The following PTPRQ variants were observed in gnomAD, a reference collection of about 807,000 sequenced individuals.
PTPRQ encodes the protein protein tyrosine phosphatase receptor type Q.
Under a neutral mutation model 246.0 loss-of-function variants are expected in PTPRQ, and 199 were observed. The ratio of observed to expected loss-of-function variants is 0.81; its 90% CI spans 0.72 to 0.91. The LOEUF (loss-of-function observed/expected upper bound fraction) is 0.91. Among genes scored for constraint, PTPRQ ranks in the 40% least tolerant of loss-of-function variants. PTPRQ has a pLI of 0.00. For missense variants in PTPRQ, 2,624 were observed against 2,528.4 expected (o/e 1.04, Z -0.81); for synonymous variants, 869 against 853.2 (o/e 1.02, Z -0.32).
At position 80,661,214 on chromosome 12, in the gene PTPRQ, A is replaced by AAT. The variant is rs141985379; in HGVS notation, c.6192+3165_6192+3166dup. Among the ~76,000 whole-genome samples, 8 of 150,112 alleles carry AAT rather than the reference A, an allele frequency of 5.3e-5. No individual in the cohort carries two copies. In the South Asian group the frequency reaches 6.2e-4, roughly 12 times the overall value. On this transcript the variant is annotated intron_variant, in intron 39 of 44. Transcript: ENST00000644991. ...ACATCATAATCATACAAAAGGAAAA[A>AAT]ATATATATATATAAACACATATATG...
chr12:80,603,802 T>C (rs1191729629), intron 26 of PTPRQ, among the ~76,000 whole-genome samples: 3 of 151,566 alleles, frequency 2.0e-5, no homozygotes, highest in Non-Finnish European at 4.4e-5. Flanking sequence ...CTGTGCATCT[T>C]TACCTTGCAA....
At chr12:80,622,194 A>T (rs1592727516) in intron 33 of PTPRQ, 60 bp downstream of exon 33, 2 of 1,199,198 alleles carry the variant, frequency 1.7e-6, no homozygotes, top group Non-Finnish European at 1.1e-6. Flanking sequence ...TGGAACATTT[A>T]TTAGTAAATG....
intron 19 of PTPRQ, among the ~76,000 whole-genome samples, chr12:80,537,796 A>C (rs1246843959): frequency 6.6e-6 from 1 of 152,144 alleles, no homozygotes; most frequent in Admixed American, 6.5e-5. Flanking sequence ...TGTGCCTGGC[A>C]TAATGTCTTC....
intron 17 of PTPRQ, among the ~76,000 whole-genome samples, chr12:80,521,171 G>T (rs1224844460): frequency 5.9e-5 from 9 of 152,120 alleles, no homozygotes; most frequent in Admixed American, 3.9e-4. Context: ...TTTCAGAAGT[G>T]TCTGTTCATA....
intron 6 of PTPRQ, chr12:80,465,388 A>G (rs1211710938): frequency 6.6e-6 from 1 of 152,276 alleles, no homozygotes; most frequent in Non-Finnish European, 1.5e-5. Context: ...AAAAGAGTCC[A>G]GGACCAGATG....
At chr12:80,578,547 C>T (rs1486490698) in intron 25 of PTPRQ, among the ~76,000 whole-genome samples, 2 of 151,876 alleles carry the variant, frequency 1.3e-5, no homozygotes, top group African/African-American at 2.4e-5. Context: ...CCTGCCACTA[C>T]GCCCGGCTAA....
intron 39 of PTPRQ, among the ~76,000 whole-genome samples, chr12:80,663,844 T>A (rs1342104280): frequency 6.6e-6 from 1 of 151,906 alleles, no homozygotes; most frequent in Non-Finnish European, 1.5e-5. Flanking sequence ...TCCAAATCCT[T>A]CTTTCCAGAT....
intron 17 of PTPRQ, among the ~76,000 whole-genome samples, chr12:80,515,129 A>T (rs552730670): frequency 2.0e-5 from 3 of 152,174 alleles, no homozygotes; most frequent in African/African-American, 7.2e-5. Context: ...GGATTCCTTC[A>T]TTAGTGATCA....
rs553221740 is a variant in PTPRQ at position 80,592,443 on chromosome 12, TAA to T, written c.4609+3992_4609+3993del. On this transcript the variant is annotated intron_variant, in intron 26 of 44. Coordinates refer to ENST00000644991, the MANE Select transcript of PTPRQ (RefSeq NM_001145026.2). The stretch of plus-strand genomic sequence containing the variant: ...AAAATAAAAGTTCTATTTATTATAT[TAA>T]GTCAGGAAGAGATAATTTGAGATTA... Among the ~76,000 whole-genome samples the T allele has an allele frequency of 5.2e-3, 797 of 152,266 alleles. 10 individuals are homozygous for T. The highest frequency in any genetic ancestry group is 6.8e-3 in the Non-Finnish European group (465 of 68,014).
intron 25 of PTPRQ, among the ~76,000 whole-genome samples, chr12:80,576,112 A>G (rs1897273740): frequency 6.6e-6 from 1 of 151,972 alleles, no homozygotes; most frequent in South Asian, 2.1e-4. Context: ...TGTATATTTT[A>G]ATCAATAAAG....
At chr12:80,515,986 T>C (rs1042931926) in intron 17 of PTPRQ, among the ~76,000 whole-genome samples, 5 of 152,154 alleles carry the variant, frequency 3.3e-5, no homozygotes, top group Non-Finnish European at 7.3e-5. Flanking sequence ...CTTTGCAAAA[T>C]AACTTTTATC....
intron 25 of PTPRQ, among the ~76,000 whole-genome samples, chr12:80,552,647 A>ATGTG (rs1429715397): frequency 5.4e-4 from 2 of 3,702 alleles, no homozygotes; most frequent in East Asian, 7.1e-3. Context: ...AAAAAAAATT[A>ATGTG]TATATATATA....
intron 19 of PTPRQ, among the ~76,000 whole-genome samples, chr12:80,537,873 G>C (rs1223289143): frequency 1.3e-5 from 2 of 152,166 alleles, no homozygotes; most frequent in Non-Finnish European, 2.9e-5. Flanking sequence ...ACTTTGGGAG[G>C]CTGAAGCAGG....
At chr12:80,491,795 A>G (rs985939948) in intron 9 of PTPRQ, among the ~76,000 whole-genome samples, 13 of 151,878 alleles carry the variant, frequency 8.6e-5, no homozygotes, top group Non-Finnish European at 1.8e-4. Flanking sequence ...GGAAAGTATT[A>G]AGTGCTTTGA....
intron 27 of PTPRQ, among the ~76,000 whole-genome samples, chr12:80,607,957 A>G (rs1202174190): frequency 6.6e-6 from 1 of 150,852 alleles, no homozygotes; most frequent in Non-Finnish European, 1.5e-5. Context: ...ACTGGAATAG[A>G]AACAGCTAAT....
chr12:80,555,138 A>T (rs1592648445), intron 25 of PTPRQ, among the ~76,000 whole-genome samples: 1 of 151,846 alleles, frequency 6.6e-6, no homozygotes, highest in Non-Finnish European at 1.5e-5. Context: ...TGGGTATCGA[A>T]CTCCTGACTT....
intron 26 of PTPRQ, among the ~76,000 whole-genome samples, chr12:80,597,075 T>G (rs1404048159): frequency 6.6e-6 from 1 of 151,954 alleles, no homozygotes; most frequent in African/African-American, 2.4e-5. Flanking sequence ...CTAACTGATA[T>G]GACATAGAGA....
chr12:80,447,818 C>A (rs963443493), intron 3 of PTPRQ, among the ~76,000 whole-genome samples: 2 of 151,678 alleles, frequency 1.3e-5, no homozygotes, highest in Non-Finnish European at 2.9e-5. Flanking sequence ...TAGTATAATT[C>A]GAAGTCAGGT....
chr12:80,519,960 CT>C lies in PTPRQ; in HGVS notation c.2678+9519del, dbSNP rs111541090. ...AATATTGCTTATCTTGAGTCCAGTG[CT>C]TGTTTAACTGCTAGAGAAAAATAAA... On this transcript the variant is annotated intron_variant, in intron 17 of 44. Coordinates refer to ENST00000644991, the MANE Select transcript of PTPRQ (RefSeq NM_001145026.2). Among the ~76,000 whole-genome samples, 120 of 152,020 alleles carry C rather than the reference CT, an allele frequency of 7.9e-4. 1 individual carries two copies. The highest frequency in any genetic ancestry group is 2.8e-3 in the African/African-American group (118 of 41,466).
Sources: gnomAD v4.1 joint callset for allele counts (sites outside exome capture counted in the v4.1 genomes callset) on GRCh38, gnomAD v4.1.1 for gene constraint, MANE v1.5 for transcripts, NCBI Gene and HGNC (gene_info 2026-07-23, HGNC 2026-07-21) for gene names.